The following POLK variants were observed in gnomAD, a reference collection of about 807,000 sequenced individuals.
The protein encoded by POLK is DNA polymerase kappa, also known as polymerase (DNA directed) kappa.
POLK carries 76 observed loss-of-function variants against 94.0 expected under a neutral mutation model. The observed-to-expected ratio is 0.81, with a 90% confidence interval of 0.67 to 0.98. The LOEUF (loss-of-function observed/expected upper bound fraction) is 0.98, where lower values mean the gene tolerates loss of function less well. Ranked by LOEUF, POLK falls within the 50% of genes least tolerant of loss-of-function variation. The pLI, the probability that POLK is intolerant of heterozygous loss-of-function variation, is 0.00. For synonymous variants in POLK, 349 were observed against 325.4 expected (o/e 1.07, Z -0.78); for missense variants, 954 against 1,010.1 (o/e 0.94, Z 0.75).
intron 1 of POLK, among the ~76,000 whole-genome samples, chr5:75,527,542 A>ACAC (rs1561336068): frequency 7.5e-6 from 1 of 133,356 alleles, no homozygotes; most frequent in Non-Finnish European, 1.6e-5. Context: ...CACACACACA[A>ACAC]GTACGTGTGT....
intron 1 of POLK, among the ~76,000 whole-genome samples, chr5:75,537,010 G>A (rs1007675550): frequency 6.6e-6 from 1 of 152,208 alleles, no homozygotes; most frequent in Admixed American, 6.5e-5. Context: ...TTGTCTGCCT[G>A]GCTACCTGTG....
intron 7 of POLK, chr5:75,581,847 T>C (rs1327531938): frequency 3.3e-5 from 6 of 181,512 alleles, no homozygotes; most frequent in Admixed American, 5.9e-5. Flanking sequence ...GCCCAGCTAA[T>C]TTTTTGTATT....
chr5:75,524,624 A>C (rs940820835), intron 1 of POLK, among the ~76,000 whole-genome samples: 3 of 151,908 alleles, frequency 2.0e-5, no homozygotes, highest in Admixed American at 6.6e-5. Context: ...GAAAAAAAAA[A>C]CAAAAAAATC....
intron 6 of POLK, among the ~76,000 whole-genome samples, chr5:75,577,505 A>G (rs1377265161): frequency 6.6e-6 from 1 of 152,198 alleles, no homozygotes; most frequent in Non-Finnish European, 1.5e-5. Flanking sequence ...ATCCAAAAGC[A>G]ATGCCAAGAA....
chr5:75,536,242 G>A (rs1350297547), intron 1 of POLK, among the ~76,000 whole-genome samples: 1 of 152,058 alleles, frequency 6.6e-6, no homozygotes, highest in Non-Finnish European at 1.5e-5. Flanking sequence ...TACTTTCTCT[G>A]TGCCTACATT....
intron 12 of POLK, among the ~76,000 whole-genome samples, chr5:75,595,129 G>A (rs1772997137): frequency 1.3e-5 from 2 of 151,782 alleles, no homozygotes; most frequent in South Asian, 4.2e-4. Context: ...GCGGGCACCT[G>A]TAATCCCAGC....
intron 1 of POLK, among the ~76,000 whole-genome samples, chr5:75,534,304 G>A (rs985421614): frequency 7.1e-4 from 107 of 151,596 alleles, no homozygotes; most frequent in African/African-American, 2.6e-3. Flanking sequence ...GAGACCATGA[G>A]GTTTTCTAGG....
At chr5:75,546,132 A>G (rs994869991) in intron 1 of POLK, among the ~76,000 whole-genome samples, 5 of 152,204 alleles carry the variant, frequency 3.3e-5, no homozygotes, top group Non-Finnish European at 5.9e-5. Context: ...GAACGTAACT[A>G]CTAATAGCCT....
At chr5:75,587,840 C>T (rs1185997321) in intron 10 of POLK, among the ~76,000 whole-genome samples, 1 of 152,042 alleles carries the variant, frequency 6.6e-6, no homozygotes, top group African/African-American at 2.4e-5. Flanking sequence ...GAATTGAACC[C>T]AGGAGGTGGA....
intron 13 of POLK, 112 bp from the exon 14 acceptor site, chr5:75,597,635 A>G: frequency 1.9e-6 from 1 of 537,746 alleles, no homozygotes; most frequent in Non-Finnish European, 3.2e-6. Flanking sequence ...TATGAACTAT[A>G]TAGTACTAAG....
chr5:75,511,749 C>G, upstream of POLK: 12 of 1,551,008 alleles, frequency 7.7e-6, no homozygotes, highest in Non-Finnish European at 8.7e-6. Context: ...ATCCTCCTCC[C>G]GAACCCTACC....
intron 4 of POLK, among the ~76,000 whole-genome samples, chr5:75,572,524 C>G (rs1771647372): frequency 6.6e-6 from 1 of 152,096 alleles, no homozygotes; most frequent in Non-Finnish European, 1.5e-5. Context: ...TATGACTATT[C>G]TATACAACTT....
At chr5:75,543,019 T>TTATG (rs1769833847) in intron 1 of POLK, among the ~76,000 whole-genome samples, 1 of 141,130 alleles carries the variant, frequency 7.1e-6, no homozygotes, top group African/African-American at 2.6e-5. Flanking sequence ...CCTTATTTAT[T>TTATG]TATTTATTTA....
chr5:75,591,385 C>T (rs571513455), intron 11 of POLK, among the ~76,000 whole-genome samples: 29 of 152,058 alleles, frequency 1.9e-4, no homozygotes, highest in Middle Eastern at 3.4e-3. Flanking sequence ...TCTATCATAC[C>T]TTGAATTTAA....
At chr5:75,578,894 C>A (rs1772053949) in intron 6 of POLK, among the ~76,000 whole-genome samples, 1 of 152,132 alleles carries the variant, frequency 6.6e-6, no homozygotes, top group Non-Finnish European at 1.5e-5. Context: ...AACTGAAATA[C>A]CATACACTTT....
chr5:75,571,852 A>G (rs569769718), intron 4 of POLK, among the ~76,000 whole-genome samples: 3 of 152,300 alleles, frequency 2.0e-5, no homozygotes, highest in East Asian at 3.9e-4. Flanking sequence ...AGAAATTCTT[A>G]TTTAAAAGTT....
At chr5:75,541,251 A>G (rs1050850072) in intron 1 of POLK, among the ~76,000 whole-genome samples, 17 of 151,942 alleles carry the variant, frequency 1.1e-4, no homozygotes, top group African/African-American at 4.1e-4. Flanking sequence ...ATATCGCACC[A>G]TTGCACTCCA....
chr5:75,603,672 T>C (rs982860780), downstream of POLK, among the ~76,000 whole-genome samples: 1 of 152,208 alleles, frequency 6.6e-6, no homozygotes, highest in Non-Finnish European at 1.5e-5. Flanking sequence ...CTCTAAACAC[T>C]GGCTTGGCAT....
chr5:75,552,457 TG>T lies in POLK; in HGVS notation c.136-14del. On this transcript the variant is annotated splice_polypyrimidine_tract_variant and intron_variant, in intron 2 of 14. Coordinates refer to ENST00000241436, the Ensembl canonical transcript of POLK. ...CAGACATTTTTCTTATGCTTTGTTT[TG>T]TTTTCCTCCATAGGGGTCCAGATTT... is the stretch of plus-strand genomic sequence containing the variant. The T allele has an allele frequency of 6.2e-7, 1 of 1,604,882 alleles. No individual in the cohort carries two copies. Among genetic ancestry groups the T allele is most frequent in the East Asian group, 2.2e-5 (1 of 44,698 alleles).
Sources: allele counts gnomAD v4.1 joint callset (sites outside exome capture counted in the v4.1 genomes callset), GRCh38; gene constraint gnomAD v4.1.1; transcripts MANE v1.5; gene names NCBI Gene and HGNC (gene_info 2026-07-23, HGNC 2026-07-21).